Variants in MDGA2 observed in about 807,000 individuals in gnomAD.
The protein encoded by MDGA2 is MAM domain containing glycosylphosphatidylinositol anchor 2.
Under a neutral mutation model 117.8 loss-of-function variants are expected in MDGA2, and 40 were observed. The ratio of observed to expected loss-of-function variants is 0.34; its 90% CI spans 0.26 to 0.44. The LOEUF (loss-of-function observed/expected upper bound fraction) is 0.44. MDGA2 is among the 20% of genes least tolerant of loss of function. The pLI is 1.00. For missense variants in MDGA2, 1,123 were observed against 1,250.6 expected, an observed-to-expected ratio of 0.90 and a Z score of 1.54; for synonymous variants, 452 against 439.0, an observed-to-expected ratio of 1.03 and a Z score of -0.37.
At chr14:46,938,650 A>C (rs1002711066) in intron 9 of MDGA2, among the ~76,000 whole-genome samples, 1 of 151,896 alleles carries the variant, frequency 6.6e-6, no homozygotes, top group South Asian at 2.1e-4. Flanking sequence ...AGGGGAACTC[A>C]AACATTGTTG....
chr14:47,250,211 T>C (rs987400951), intron 2 of MDGA2, among the ~76,000 whole-genome samples: 3 of 152,208 alleles, frequency 2.0e-5, no homozygotes, highest in Admixed American at 2.0e-4. Context: ...AATACTTTAC[T>C]GCTAAAGGCA....
intron 1 of MDGA2, among the ~76,000 whole-genome samples, chr14:47,436,894 G>C (rs976706416): frequency 6.6e-6 from 1 of 152,022 alleles, no homozygotes; most frequent in African/African-American, 2.4e-5. Context: ...GCAGAAAAAA[G>C]AATGATATCT....
At chr14:47,405,460 C>A (rs1353724536) in intron 1 of MDGA2, among the ~76,000 whole-genome samples, 1 of 152,082 alleles carries the variant, frequency 6.6e-6, no homozygotes, top group Non-Finnish European at 1.5e-5. Flanking sequence ...TCTTTCTCAA[C>A]ATATCTTTTA....
At chr14:47,334,836 G>A (rs987819793) in intron 1 of MDGA2, among the ~76,000 whole-genome samples, 2 of 151,874 alleles carry the variant, frequency 1.3e-5, no homozygotes, top group Non-Finnish European at 2.9e-5. Flanking sequence ...GGATCCCTGA[G>A]GTGGAGGTCC....
At chr14:46,853,163 G>GA (rs1417802382) in intron 15 of MDGA2, among the ~76,000 whole-genome samples, 1 of 151,744 alleles carries the variant, frequency 6.6e-6, no homozygotes, top group Non-Finnish European at 1.5e-5. Context: ...AAAATCCAAT[G>GA]ACTTAGATGA....
intron 1 of MDGA2, among the ~76,000 whole-genome samples, chr14:47,661,061 T>C (rs958153522): frequency 2.6e-5 from 4 of 152,214 alleles, no homozygotes; most frequent in South Asian, 2.1e-4. Flanking sequence ...ATTACCCAAG[T>C]TGCATTTCAA....
intron 1 of MDGA2, among the ~76,000 whole-genome samples, chr14:47,586,083 T>C (rs1440919541): frequency 1.3e-5 from 2 of 151,916 alleles, no homozygotes; most frequent in South Asian, 2.1e-4. Context: ...CAGATGTAAA[T>C]AGTATTTATT....
At chr14:47,649,556 G>A (rs572174678) in intron 1 of MDGA2, among the ~76,000 whole-genome samples, 3 of 152,156 alleles carry the variant, frequency 2.0e-5, no homozygotes, top group South Asian at 2.1e-4. Context: ...ATGGAGACAC[G>A]TGCCTGTAAT....
chr14:46,938,799 G>T (rs1324744837), intron 9 of MDGA2, among the ~76,000 whole-genome samples: 2 of 151,974 alleles, frequency 1.3e-5, no homozygotes, highest in Non-Finnish European at 2.9e-5. Context: ...ACAGTACAGA[G>T]ATACTTACAC....
chr14:47,008,979 A>G (rs965602860), intron 8 of MDGA2, among the ~76,000 whole-genome samples: 2 of 151,996 alleles, frequency 1.3e-5, no homozygotes, highest in African/African-American at 4.8e-5. Context: ...TTAAAATAAG[A>G]GCATGGAAGT....
At chr14:47,082,170 C>T (rs997503378) in intron 6 of MDGA2, among the ~76,000 whole-genome samples, 1 of 151,978 alleles carries the variant, frequency 6.6e-6, no homozygotes, top group Non-Finnish European at 1.5e-5. Context: ...TCAAAGTACA[C>T]TGAATTGCAT....
chr14:47,247,856 C>T (rs1282868866), intron 2 of MDGA2, among the ~76,000 whole-genome samples: 2 of 151,198 alleles, frequency 1.3e-5, no homozygotes, highest in Admixed American at 1.3e-4. Context: ...TATGTGTTCT[C>T]ATTGTCCAAC....
intron 10 of MDGA2, among the ~76,000 whole-genome samples, chr14:46,897,653 AAGTAAGAAT>A (rs778658380): frequency 3.3e-5 from 5 of 150,788 alleles, no homozygotes; most frequent in African/African-American, 1.2e-4. Flanking sequence ...GTTTAACAGT[AAGTAAGAAT>A]TATACAAGTG....
In MDGA2 at chr14:47,034,867, A is replaced by AAATAG. The variant is rs1442408512; in HGVS notation, c.1819+139_1819+143dup. ...TGTGTATCATTAATGTAGAATGTAG[A>AAATAG]AATAGTTCATTCAATCCAATGTAGA... On this transcript the variant is annotated intron_variant, in intron 8 of 16. Transcript: ENST00000399232. 5.3e-6 allele frequency: 4 copies of AAATAG among 753,910 alleles called. No individual in the cohort carries two copies. The African/African-American group carries it at 7.1e-5, about 13-fold the overall frequency. The allele number at this position is 753,910 out of a possible 1,614,324, so 46.7% of individuals were successfully genotyped here. A position where few individuals can be genotyped will look rare whatever the true frequency, so the allele number is the denominator to read the frequency against.
intron 8 of MDGA2, among the ~76,000 whole-genome samples, chr14:46,983,810 T>A (rs991315960): frequency 1.3e-5 from 2 of 152,050 alleles, no homozygotes; most frequent in Non-Finnish European, 2.9e-5. Flanking sequence ...AGTGAGAATT[T>A]TGATTAATTC....
intron 6 of MDGA2, among the ~76,000 whole-genome samples, chr14:47,083,659 C>A (rs1215100800): frequency 6.6e-6 from 1 of 151,990 alleles, no homozygotes; most frequent in East Asian, 1.9e-4. Flanking sequence ...ATTTAAAAAA[C>A]AGGACTCACC....
At chr14:47,490,054 C>A (rs1249383270) in intron 1 of MDGA2, among the ~76,000 whole-genome samples, 1 of 152,034 alleles carries the variant, frequency 6.6e-6, no homozygotes, top group African/African-American at 2.4e-5. Context: ...AAAATTGAGA[C>A]AGTGATTGCT....
intron 5 of MDGA2, among the ~76,000 whole-genome samples, chr14:47,110,966 C>A (rs1881003259): frequency 6.6e-6 from 1 of 152,042 alleles, no homozygotes; most frequent in East Asian, 1.9e-4. Context: ...AGAAAAAATC[C>A]TAATTCAACA....
intron 3 of MDGA2, among the ~76,000 whole-genome samples, chr14:47,202,157 TG>T (rs1885530766): frequency 3.9e-5 from 6 of 152,216 alleles, no homozygotes; most frequent in Admixed American, 2.6e-4. Context: ...TTTCTATAGT[TG>T]TAAAACTTAA....
Sources: allele counts gnomAD v4.1 joint callset (sites outside exome capture counted in the v4.1 genomes callset), GRCh38; gene constraint gnomAD v4.1.1; transcripts MANE v1.5; gene names NCBI Gene and HGNC (gene_info 2026-07-23, HGNC 2026-07-21).